TERB1: variants seen among roughly 807,000 people sequenced by gnomAD.
The protein encoded by TERB1 is telomere repeat binding bouquet formation protein 1, also known as telomere repeats-binding bouquet formation protein 1.
TERB1 carries 63 observed loss-of-function variants against 92.3 expected under a neutral mutation model. The ratio of observed to expected loss-of-function variants is 0.68; its 90% CI spans 0.56 to 0.84. The LOEUF (loss-of-function observed/expected upper bound fraction) is 0.84. TERB1 is among the 40% of genes least tolerant of loss of function. TERB1 has a pLI of 0.00. For synonymous variants in TERB1, 252 were observed against 283.9 expected, an observed-to-expected ratio of 0.89 and a Z score of 1.13; for missense variants, 709 against 843.7, an observed-to-expected ratio of 0.84 and a Z score of 1.98.
chr16:66,763,434 G>A (rs1475641023), intron 16 of TERB1, among the ~76,000 whole-genome samples: 2 of 152,140 alleles, frequency 1.3e-5, no homozygotes, highest in African/African-American at 2.4e-5. Flanking sequence ...GTTGTTGTGT[G>A]TCCTATAAAC....
At chr16:66,762,389 T>C (rs1567465637) in intron 16 of TERB1, among the ~76,000 whole-genome samples, 1 of 152,138 alleles carries the variant, frequency 6.6e-6, no homozygotes, top group African/African-American at 2.4e-5. Flanking sequence ...TTTTTGTTTG[T>C]TTGTTTTTTT....
chr16:66,786,937 T>C (rs909884654), intron 6 of TERB1, among the ~76,000 whole-genome samples: 21 of 152,062 alleles, frequency 1.4e-4, no homozygotes, highest in African/African-American at 4.6e-4. Flanking sequence ...CTTCCCCCTC[T>C]ATTGATGCCC....
intron 18 of TERB1, among the ~76,000 whole-genome samples, chr16:66,756,259 G>A (rs1426864236): frequency 6.6e-6 from 1 of 152,194 alleles, no homozygotes; most frequent in Admixed American, 6.5e-5. Context: ...TGCCCTTGCA[G>A]GCCAAGACAG....
chr16:66,762,981 G>A (rs777233989), intron 16 of TERB1, among the ~76,000 whole-genome samples: 9 of 151,746 alleles, frequency 5.9e-5, no homozygotes, highest in Non-Finnish European at 1.3e-4. Context: ...CACCACACCC[G>A]GCCAGGACTC....
chr16:66,789,726 C>G (rs1163026924), intron 5 of TERB1, among the ~76,000 whole-genome samples: 1 of 128,430 alleles, frequency 7.8e-6, no homozygotes, highest in Non-Finnish European at 1.6e-5. Flanking sequence ...TTTTTTGAGA[C>G]AGGGTCTTAC....
intron 13 of TERB1, 84 bp from the exon 14 acceptor site, chr16:66,770,393 T>C (rs926685157): frequency 9.3e-6 from 9 of 962,842 alleles, no homozygotes; most frequent in Admixed American, 9.0e-5. Context: ...TAATGAAGAA[T>C]GAAGAAAAAG....
chr16:66,761,365 T>C (rs2018245555), intron 16 of TERB1, among the ~76,000 whole-genome samples: 1 of 149,568 alleles, frequency 6.7e-6, no homozygotes, highest in Admixed American at 6.7e-5. Flanking sequence ...GGTGGAAGAA[T>C]TGCTTGAACC....
intron 13 of TERB1, among the ~76,000 whole-genome samples, chr16:66,771,311 CAT>C: frequency 6.6e-6 from 1 of 152,274 alleles, no homozygotes; most frequent in Admixed American, 6.5e-5. Flanking sequence ...TGTGGGGAAA[CAT>C]GTACTCTTAA....
Position 66,759,175 on chromosome 16 carries a change from T to A in TERB1, c.1896A>T (p.Lys632Asn). 1 of 1,549,432 alleles carries A rather than the reference T, an allele frequency of 6.5e-7. No individual in the cohort carries two copies. The highest frequency in any genetic ancestry group is 8.7e-7 in the Non-Finnish European group (1 of 1,146,402). ...KVIVEAEDRY[K>N]SELRKSLICN... ...AGATAAGTGATTTCCTTAGTTCACT[T>A]TTATATCTGTCTTCAGCTTCCACAA... Residue 632 changes from lysine to asparagine, a missense_variant, in exon 17 of 19, where the codon AAA becomes AAT. Coordinates refer to ENST00000433154, the MANE Select transcript of TERB1 (RefSeq NM_001136505.2).
chr16:66,776,349 GA>G (rs939804519), intron 11 of TERB1, among the ~76,000 whole-genome samples: 214 of 148,734 alleles, frequency 1.4e-3, no homozygotes, highest in Non-Finnish European at 2.4e-3. Flanking sequence ...AAAAAAGAAA[GA>G]AAAAGAAAAT....
chr16:66,793,271 G>T (rs896934378), intron 3 of TERB1, among the ~76,000 whole-genome samples: 1 of 139,718 alleles, frequency 7.2e-6, no homozygotes. Flanking sequence ...AGGCAGGAGC[G>T]CAGTGGTGCT....
intron 13 of TERB1, among the ~76,000 whole-genome samples, chr16:66,771,194 G>T (rs918854961): frequency 2.0e-5 from 3 of 152,118 alleles, no homozygotes; most frequent in African/African-American, 7.2e-5. Flanking sequence ...AATATTAATA[G>T]CTCTTAAACA....
chr16:66,778,963 T>G lies in TERB1; in HGVS notation c.753A>C (p.Gln251His). 5.9e-6 allele frequency: 9 copies of G among 1,535,566 alleles called. 1 individual carries two copies. The Middle Eastern group carries it at 1.5e-3, about 258-fold the overall frequency. Residue 251 changes from glutamine (Q) to histidine (H), a missense_variant, in exon 10 of 19, where the codon CAA (glutamine) becomes CAC (histidine). Physicochemically the swap from Gln to His is conservative, Grantham distance 24. Transcript: ENST00000433154. ...VSVGGLDVLS[Q>H]VLMQLESDSH... ...AATCAGATTCCAGCTGCATGAGAAC[T>G]TGAGACAATACATCCAGTCCGCCCA...
intron 15 of TERB1, 105 bp downstream of exon 15, chr16:66,767,999 A>C: frequency 5.5e-6 from 5 of 902,570 alleles, no homozygotes; most frequent in Non-Finnish European, 8.8e-6. Context: ...AAGTGCTGGG[A>C]TTACAGGCGT....
chr16:66,775,355 C>T, intron 11 of TERB1, 112 bp from the exon 12 acceptor site: 1 of 975,988 alleles, frequency 1.0e-6, no homozygotes, highest in South Asian at 1.7e-5. Context: ...AAAAATAGGC[C>T]AGGAACGGTG....
At chr16:66,779,038 C>A in intron 9 of TERB1, 23 bp from the exon 10 acceptor site, 1 of 1,441,412 alleles carries the variant, frequency 6.9e-7, no homozygotes, top group Non-Finnish European at 9.3e-7. Flanking sequence ...AGTAGCAAAA[C>A]TATTAATATT....
chr16:66,793,211 GTTTTTTTTTTTTT>G (rs1174263983), intron 3 of TERB1, among the ~76,000 whole-genome samples: 1 of 93,546 alleles, frequency 1.1e-5, no homozygotes, highest in African/African-American at 4.9e-5. Flanking sequence ...TTGTGGTTTG[GTTTTTTTTTTTTT>G]TTTTTTTTTT....
intron 13 of TERB1, among the ~76,000 whole-genome samples, chr16:66,770,717 T>C (rs531873858): frequency 2.6e-5 from 4 of 152,174 alleles, no homozygotes; most frequent in Non-Finnish European, 4.4e-5. Context: ...AAATTTTTTT[T>C]AATTCTTCTA....
intron 3 of TERB1, among the ~76,000 whole-genome samples, chr16:66,795,904 A>G (rs1597028862): frequency 2.0e-5 from 3 of 152,238 alleles, no homozygotes; most frequent in Admixed American, 2.0e-4. Context: ...GTGTACCACC[A>G]CGCCCAGTTA....
Sources: gnomAD v4.1 joint callset for allele counts (sites outside exome capture counted in the v4.1 genomes callset) on GRCh38, gnomAD v4.1.1 for gene constraint, MANE v1.5 for transcripts, NCBI Gene and HGNC (gene_info 2026-07-23, HGNC 2026-07-21) for gene names.